The following TNFRSF4 variants were observed in gnomAD, a reference collection of about 807,000 sequenced individuals.
TNFRSF4 encodes the protein TNF receptor superfamily member 4.
In TNFRSF4, 21 loss-of-function variants were observed where a neutral mutation model predicts 29.5. The ratio of observed to expected loss-of-function variants is 0.71; its 90% CI spans 0.51 to 1.03. The LOEUF (loss-of-function observed/expected upper bound fraction) is 1.03, where lower values mean the gene tolerates loss of function less well. TNFRSF4 is among the 50% of genes least tolerant of loss of function. The probability of loss-of-function intolerance (pLI) is 0.00; values close to 1 mark genes in which losing one functional copy is unlikely to be tolerated. For missense variants in TNFRSF4, 408 were observed against 387.8 expected (o/e 1.05, Z -0.44); for synonymous variants, 197 against 172.7 (o/e 1.14, Z -1.10).
At chr1:1,213,413 C>G in intron 2 of TNFRSF4, 1 of 1,533,194 alleles carries the variant, frequency 6.5e-7, no homozygotes, top group Non-Finnish European at 8.7e-7. Context: ...CCAGCAAGGC[C>G]AGGCCACATG....
chr1:1,211,671 A>G (rs1649113546), intron 6 of TNFRSF4, 33 bp downstream of exon 6: 1 of 1,579,106 alleles, frequency 6.3e-7, no homozygotes, highest in African/African-American at 1.4e-5. Context: ...CTCACCCGCC[A>G]GGAGCAGTGC....
Position 1,214,069 on chromosome 1 carries a change from C to T in TNFRSF4, c.59G>A (p.Gly20Asp). 6.3e-7 allele frequency: 1 copy of T among 1,595,422 alleles called. No individual in the cohort carries two copies. Among genetic ancestry groups the T allele is most frequent in the South Asian group, 1.1e-5 (1 of 88,798 alleles). ...CCCCGTCACGGTGCTCAGCCCCAGG[C>T]CCAGGAGGAGCAGAGCCGCACACGG... ...RGPCAALLLL[G>D]LGLSTVTGLH... The change falls in exon 1 of 7, where the codon GGC becomes GAC. Residue 20 changes from glycine to aspartate, a missense_variant. By Grantham distance (94) the Gly-to-Asp change is moderately conservative. Transcript: ENST00000379236. The surrounding 1 kb of genome is among the most constrained non-coding windows in gnomAD (Gnocchi z 4.2).
At position 1,212,056 on chromosome 1, in the gene TNFRSF4, T is replaced by A. The variant is rs771007007; in HGVS notation, c.520A>T (p.Thr174Ser). 2 of 1,612,042 alleles carry A rather than the reference T, an allele frequency of 1.2e-6. No homozygotes were observed. The highest frequency in any genetic ancestry group is 3.3e-5 in the Admixed American group (2 of 59,942). ...GGGCCCTGGGTCTCCTGGGGCTGCG[T>A]GGCTGGGGGGTCCCTGTCCTCACAG... ...AICEDRDPPA[T>S]QPQETQGPPA... Residue 174 changes from threonine to serine, a missense_variant, in exon 5 of 7, where the codon ACG becomes TCG. Coordinates refer to ENST00000379236, the MANE Select transcript of TNFRSF4 (RefSeq NM_003327.4).
intron 2 of TNFRSF4, 198 bp from the exon 3 acceptor site, chr1:1,213,291 C>T: frequency 3.3e-6 from 5 of 1,529,016 alleles, no homozygotes; most frequent in Non-Finnish European, 4.4e-6. Flanking sequence ...CAACCTGGGG[C>T]TGGTTCCGTG....
chr1:1,213,328 C>T (rs1649280114), intron 2 of TNFRSF4: 1 of 1,525,310 alleles, frequency 6.6e-7, no homozygotes, highest in East Asian at 2.5e-5. Flanking sequence ...TTCCCTACCC[C>T]TCCACCGCCT....
In TNFRSF4 at chr1:1,211,965, G is replaced by C. The variant is rs1649146417; in HGVS notation, c.611C>G (p.Thr204Ser). The change falls in exon 5 of 7, where the codon ACC (threonine) becomes AGC (serine). Residue 204 changes from threonine (T) to serine (S), a missense_variant. Thr to Ser is a moderately conservative substitution (Grantham distance 58). Coordinates refer to ENST00000379236, the MANE Select transcript of TNFRSF4 (RefSeq NM_003327.4). ...AWPRTSQGPSTRPVEVPGGRA... is the reference protein window; with the variant it reads ...AWPRTSQGPSSRPVEVPGGRA... Reference sequence around the variant, plus strand: ...ACCCCCGGGGACCTCCACGGGCCGGGTGGAGGGTCCCTGTGAGGTTCTGGG... The same window carrying C: ...ACCCCCGGGGACCTCCACGGGCCGGCTGGAGGGTCCCTGTGAGGTTCTGGG... The C allele has an allele frequency of 1.5e-5, 24 of 1,588,736 alleles. No individual in the cohort carries two copies. The highest frequency in any genetic ancestry group is 1.9e-5 in the Non-Finnish European group (22 of 1,168,594).
chr1:1,212,250 C>T, intron 4 of TNFRSF4, 112 bp from the exon 5 acceptor site: 1 of 1,258,174 alleles, frequency 7.9e-7, no homozygotes, highest in South Asian at 1.3e-5. Context: ...CTACCACAGA[C>T]ACCAGGCCAG....
intron 4 of TNFRSF4, 134 bp from the exon 5 acceptor site, chr1:1,212,272 G>A (rs1035875575): frequency 3.8e-6 from 4 of 1,061,716 alleles, no homozygotes; most frequent in Admixed American, 4.5e-5. Flanking sequence ...GACAGCCAAG[G>A]ACGCTGCCCA....
Position 1,213,942 on chromosome 1 carries a change from C to T in TNFRSF4, c.145+41G>A, listed in dbSNP as rs368602505. The T allele has an allele frequency of 3.8e-4, 587 of 1,548,216 alleles. 2 individuals carry two copies. The highest frequency in any genetic ancestry group is 4.7e-4 in the Non-Finnish European group (540 of 1,148,038). On this transcript the variant is annotated intron_variant, in intron 1 of 6. Transcript: ENST00000379236. ...CCCATCCCTGCCCCAGCCCCCAGTC[C>T]CTGGAGTGCCCGTGCGTGGCGACCC...
At chr1:1,212,490 C>A (rs1424471279) in intron 4 of TNFRSF4, 148 bp downstream of exon 4, 1 of 668,978 alleles carries the variant, frequency 1.5e-6, no homozygotes, top group Non-Finnish European at 2.4e-6. Context: ...CATAGCCAGG[C>A]CCCCAGGGCC....
Position 1,211,550 on chromosome 1 carries a change from C to G in TNFRSF4, c.*5G>C, listed in dbSNP as rs745363509. On this transcript the variant is annotated 3_prime_UTR_variant, in exon 7 of 7. Coordinates refer to ENST00000379236, the MANE Select transcript of TNFRSF4 (RefSeq NM_003327.4). ...GGGCCCAGCGTCCACCTTGGTGGGC[C>G]CAGGTCAGATCTTGGCCAGGGTGGA... The G allele has an allele frequency of 6.7e-7, 1 of 1,495,210 alleles. No homozygotes were observed. Among genetic ancestry groups the G allele is most frequent in the Non-Finnish European group, 8.9e-7 (1 of 1,123,880 alleles). The allele number at this position is 1,495,210 out of a possible 1,614,324, so 92.6% of individuals were successfully genotyped here.
In TNFRSF4 at chr1:1,212,104, C is replaced by A. The variant is rs755162827; in HGVS notation, c.472G>T (p.Ala158Ser). ...CAGATTGCGTCCGAGCTATTGCTGG[C>A]CGGCTGCAGGGTGTGCTTCCCAGCC... ...TLAGKHTLQP[A>S]SNSSDAICED... Residue 158 changes from alanine to serine, a missense_variant, in exon 5 of 7, where the codon GCC becomes TCC. Coordinates refer to ENST00000379236, the MANE Select transcript of TNFRSF4 (RefSeq NM_003327.4). The A allele has an allele frequency of 8.0e-5, 129 of 1,612,488 alleles. No individual in the cohort carries two copies. The highest frequency in any genetic ancestry group is 1.1e-4 in the Non-Finnish European group (125 of 1,179,756).
rs1330381292 is a variant in TNFRSF4 at position 1,213,396 on chromosome 1, G to A, written c.268+267C>T. On this transcript the variant is annotated intron_variant, in intron 2 of 6. Coordinates refer to ENST00000379236, the MANE Select transcript of TNFRSF4 (RefSeq NM_003327.4). ...CATGGCCCAACCCCCCAGCCTCACT[G>A]CTCAGGCCAGCAAGGCCAGGCCACA... is the stretch of plus-strand genomic sequence containing the variant. The A allele has an allele frequency of 3.9e-6, 6 of 1,532,158 alleles. No individual in the cohort carries two copies. The South Asian group carries it at 7.2e-5, about 18-fold the overall frequency. The allele number at this position is 1,532,158 out of a possible 1,614,324, so 94.9% of individuals were successfully genotyped here.
chr1:1,212,546 C>A, intron 4 of TNFRSF4, 92 bp downstream of exon 4: 1 of 443,978 alleles, frequency 2.3e-6, no homozygotes, highest in Middle Eastern at 6.7e-4. Context: ...CCCACCTGCC[C>A]CCCCAGCCCC....
rs1353371279 is a variant in TNFRSF4 at position 1,213,547 on chromosome 1, G to C, written c.268+116C>G. The C allele has an allele frequency of 2.0e-6, 3 of 1,470,996 alleles. No homozygotes were observed. The African/African-American group carries it at 4.2e-5, about 21-fold the overall frequency. The allele number at this position is 1,470,996 out of a possible 1,614,324, so 91.1% of individuals were successfully genotyped here. A position where few individuals can be genotyped will look rare whatever the true frequency, so the allele number is the denominator to read the frequency against. The stretch of plus-strand genomic sequence containing the variant: ...CCCCTGTGGCGGAGCAGACCCCGCT[G>C]TGGTTTGAGGTTCGTTTCTGCGGCT... On this transcript the variant is annotated intron_variant, in intron 2 of 6. Coordinates refer to ENST00000379236, the MANE Select transcript of TNFRSF4 (RefSeq NM_003327.4).
chr1:1,213,504 C>T, intron 2 of TNFRSF4, 159 bp downstream of exon 2: 1 of 1,466,040 alleles, frequency 6.8e-7, no homozygotes, highest in African/African-American at 1.4e-5. Flanking sequence ...CTGGGAGACG[C>T]CTCAGCTCCT....
chr1:1,213,169 G>A, intron 2 of TNFRSF4, 76 bp from the exon 3 acceptor site: 1 of 1,542,536 alleles, frequency 6.5e-7, no homozygotes, highest in Non-Finnish European at 8.7e-7. Flanking sequence ...GGCACTGGAG[G>A]ACAGGTTGGC....
intron 3 of TNFRSF4, 95 bp downstream of exon 3, chr1:1,212,897 C>G: frequency 7.3e-7 from 1 of 1,374,876 alleles, no homozygotes; most frequent in Non-Finnish European, 9.8e-7. Flanking sequence ...AGAGGAGGCA[C>G]CGGTGGGGCC....
intron 2 of TNFRSF4, 188 bp from the exon 3 acceptor site, chr1:1,213,281 C>A (rs1570466529): frequency 6.5e-7 from 1 of 1,530,342 alleles, no homozygotes; most frequent in Admixed American, 2.0e-5. Context: ...TTCCTGGCCA[C>A]AACCTGGGGC....
Sources: allele counts gnomAD v4.1 joint callset, GRCh38; gene constraint gnomAD v4.1.1; non-coding constraint Gnocchi (gnomAD v3.1); transcripts MANE v1.5; gene names NCBI Gene and HGNC (gene_info 2026-07-23, HGNC 2026-07-21).